The following KCTD8 variants were observed in gnomAD, a reference collection of about 807,000 sequenced individuals.
KCTD8 encodes the protein BTB/POZ domain-containing protein KCTD8.
In KCTD8, 27 loss-of-function variants were observed where a neutral mutation model predicts 31.5. That is an observed-to-expected ratio of 0.86 (90% CI 0.63 to 1.18). The LOEUF (loss-of-function observed/expected upper bound fraction) is 1.18, where lower values mean the gene tolerates loss of function less well. KCTD8 is among the 50% of genes most tolerant of loss of function. The pLI is 0.00. For synonymous variants in KCTD8, 290 were observed against 280.0 expected (o/e 1.04, Z -0.36); for missense variants, 658 against 647.7 (o/e 1.02, Z -0.17).
At chr4:44,419,450 T>C (rs1229383445) in intron 1 of KCTD8, among the ~76,000 whole-genome samples, 4 of 152,178 alleles carry the variant, frequency 2.6e-5, no homozygotes, top group African/African-American at 9.7e-5. Context: ...CTGACAGAGC[T>C]GGAACAGTTG....
At chr4:44,396,570 T>C (rs1024417538) in intron 1 of KCTD8, among the ~76,000 whole-genome samples, 3 of 152,056 alleles carry the variant, frequency 2.0e-5, no homozygotes, top group Non-Finnish European at 2.9e-5. Flanking sequence ...TTTTTTCTCA[T>C]TAACATAAAA....
chr4:44,433,236 C>A (rs915011099), intron 1 of KCTD8, among the ~76,000 whole-genome samples: 1 of 151,738 alleles, frequency 6.6e-6, no homozygotes, highest in Non-Finnish European at 1.5e-5. Context: ...GGAGTCATTA[C>A]CTATATCTTT....
At chr4:44,282,913 T>C (rs1716939148) in intron 1 of KCTD8, among the ~76,000 whole-genome samples, 1 of 152,002 alleles carries the variant, frequency 6.6e-6, no homozygotes, top group South Asian at 2.1e-4. Context: ...AAACTATTTC[T>C]ATAACAGAAA....
intron 1 of KCTD8, among the ~76,000 whole-genome samples, chr4:44,263,639 A>C (rs1716247779): frequency 6.6e-6 from 1 of 152,296 alleles, no homozygotes; most frequent in Admixed American, 6.5e-5. Flanking sequence ...GCAGAACAAT[A>C]CCAATTTTGG....
At chr4:44,322,429 C>A (rs1257445327) in intron 1 of KCTD8, among the ~76,000 whole-genome samples, 3 of 151,882 alleles carry the variant, frequency 2.0e-5, no homozygotes, top group African/African-American at 7.3e-5. Flanking sequence ...CTTGCCCATT[C>A]TTTAATTGGA....
At chr4:44,363,070 T>C (rs1719541874) in intron 1 of KCTD8, among the ~76,000 whole-genome samples, 3 of 152,122 alleles carry the variant, frequency 2.0e-5, no homozygotes, top group Admixed American at 2.0e-4. Flanking sequence ...AAGGAGGTTA[T>C]GTGCAAGATG....
chr4:44,208,445 C>T (rs1056580701), intron 1 of KCTD8, among the ~76,000 whole-genome samples: 2 of 152,130 alleles, frequency 1.3e-5, no homozygotes, highest in African/African-American at 2.4e-5. Context: ...TCTTCACCTC[C>T]ATCTCTTATC....
intron 1 of KCTD8, among the ~76,000 whole-genome samples, chr4:44,326,314 T>G (rs1380806663): frequency 1.3e-5 from 2 of 151,934 alleles, no homozygotes; most frequent in Non-Finnish European, 2.9e-5. Flanking sequence ...TGTATATGTC[T>G]ATTTTGGTAG....
chr4:44,244,845 TG>T (rs1165901085), intron 1 of KCTD8, among the ~76,000 whole-genome samples: 2 of 77,680 alleles, frequency 2.6e-5, no homozygotes, highest in Admixed American at 1.2e-4. Context: ...TCCCTGTAGT[TG>T]TGGGGGGGGG....
intron 1 of KCTD8, among the ~76,000 whole-genome samples, chr4:44,350,895 ATCAGACGTTCG>A (rs1452705806): frequency 6.6e-6 from 1 of 152,130 alleles, no homozygotes; most frequent in Non-Finnish European, 1.5e-5. Flanking sequence ...GTGCAGTCCA[ATCAGACGTTCG>A]TCAAAATTAC....
At chr4:44,218,771 T>C (rs1714725267) in intron 1 of KCTD8, among the ~76,000 whole-genome samples, 1 of 152,074 alleles carries the variant, frequency 6.6e-6, no homozygotes, top group Non-Finnish European at 1.5e-5. Flanking sequence ...AGCCTAGTTA[T>C]ACAAGAATTA....
At chr4:44,228,686 A>AC (rs1715034935) in intron 1 of KCTD8, among the ~76,000 whole-genome samples, 1 of 151,442 alleles carries the variant, frequency 6.6e-6, no homozygotes, top group Admixed American at 6.6e-5. Context: ...AAACACTATT[A>AC]CCCCCCATTA....
At chr4:44,311,530 T>C (rs1317922315) in intron 1 of KCTD8, among the ~76,000 whole-genome samples, 1 of 152,082 alleles carries the variant, frequency 6.6e-6, no homozygotes, top group African/African-American at 2.4e-5. Context: ...GCAGATGCCA[T>C]GGTATGTTTA....
intron 1 of KCTD8, among the ~76,000 whole-genome samples, chr4:44,186,741 G>A (rs964947379): frequency 2.6e-5 from 4 of 152,294 alleles, no homozygotes; most frequent in Admixed American, 6.5e-5. Flanking sequence ...AATTTTTCCC[G>A]TTTCATAGTC....
intron 1 of KCTD8, among the ~76,000 whole-genome samples, chr4:44,283,210 C>T (rs563558930): frequency 3.3e-5 from 5 of 151,962 alleles, no homozygotes; most frequent in Non-Finnish European, 5.9e-5. Context: ...CCACCATGCC[C>T]GGCTAATTTT....
chr4:44,195,921 A>G (rs1713927619), intron 1 of KCTD8, among the ~76,000 whole-genome samples: 1 of 152,272 alleles, frequency 6.6e-6, no homozygotes, highest in African/African-American at 2.4e-5. Context: ...TAATAAAAAT[A>G]CAAGGCATAC....
chr4:44,340,017 CA>C (rs1312529097), intron 1 of KCTD8, among the ~76,000 whole-genome samples: 2 of 151,884 alleles, frequency 1.3e-5, no homozygotes, highest in African/African-American at 4.8e-5. Flanking sequence ...GGTCAATAAG[CA>C]CATAAAAAGT....
chr4:44,320,201 AG>A (rs764342255), intron 1 of KCTD8, among the ~76,000 whole-genome samples: 3,180 of 130,950 alleles, frequency 0.024, 123 homozygotes, highest in Non-Finnish European at 0.041. Flanking sequence ...AAAAAAAAAG[AG>A]AGAGAGAATT....
At chr4:44,256,511 T>A (rs1183549122) in intron 1 of KCTD8, among the ~76,000 whole-genome samples, 1 of 151,964 alleles carries the variant, frequency 6.6e-6, no homozygotes, top group East Asian at 1.9e-4. Flanking sequence ...CACCAGTTGA[T>A]GAGGATATGG....
Sources: allele counts gnomAD v4.1 joint callset (sites outside exome capture counted in the v4.1 genomes callset), GRCh38; gene constraint gnomAD v4.1.1; transcripts MANE v1.5; gene names NCBI Gene and HGNC (gene_info 2026-07-23, HGNC 2026-07-21).